The following MCF2 variants were observed in gnomAD, a reference collection of about 807,000 sequenced individuals.
MCF2 encodes proto-oncogene DBL.
A neutral mutation model predicts 82.5 loss-of-function variants in MCF2; 44 were observed. That is an observed-to-expected ratio of 0.53 (90% CI 0.42 to 0.69). The LOEUF is 0.69. MCF2 is among the 30% of genes least tolerant of loss of function. MCF2 has a pLI of 0.00. For synonymous variants in MCF2, 217 were observed against 224.9 expected (o/e 0.96, Z 0.32); for missense variants, 623 against 663.1 (o/e 0.94, Z 0.66).
At chrX:139,589,407 A>G (rs929036869) in intron 20 of MCF2, among the ~76,000 whole-genome samples, 1 of 111,813 alleles carries the variant, frequency 8.9e-6, no homozygotes, top group African/African-American at 3.3e-5. Context: ...TGGACCCTAT[A>G]CAACTGGCCA....
chrX:139,598,545 C>A (rs761209849), intron 16 of MCF2, 47 bp from the exon 21 acceptor site: 2 of 732,387 alleles, frequency 2.7e-6, no homozygotes, highest in African/African-American at 4.5e-5. Flanking sequence ...AAGACATGTA[C>A]CTGTGAAAAT....
At chrX:139,700,717 T>C (rs1021766309) in intron 1 of MCF2, among the ~76,000 whole-genome samples, 1 of 112,315 alleles carries the variant, frequency 8.9e-6, no homozygotes, top group African/African-American at 3.2e-5. Flanking sequence ...CCTTCAATGT[T>C]TAAAGGCTGT....
chrX:139,600,675 A>C (rs1021120003), intron 16 of MCF2, among the ~76,000 whole-genome samples: 36 of 111,820 alleles, frequency 3.2e-4, no homozygotes, highest in African/African-American at 1.1e-3. Flanking sequence ...GTATTTGGGA[A>C]TCCCTTCAAG....
chrX:139,618,694 C>G (rs1471919617), intron 7 of MCF2, among the ~76,000 whole-genome samples: 1 of 111,068 alleles, frequency 9.0e-6, no homozygotes, highest in Non-Finnish European at 1.9e-5. Flanking sequence ...CATGGTTCAC[C>G]CATAAATCTG....
rs766208697 is a variant in MCF2, at chrX:139,631,430, G to A, written c.253C>T (p.Gln85Ter). ...ATGATCCATTCACTGTGGCAGTACT[G>A]CAAGGTGCCGCCTAACTCAGGGGTT... is the stretch of plus-strand genomic sequence containing the variant. The change falls in exon 3 of 25, where the codon CAG becomes TAG. Residue 85 changes from glutamine to a stop codon, truncating the protein, a stop_gained. Coordinates refer to ENST00000370576, the Ensembl canonical transcript of MCF2. LOFTEE classifies it high-confidence loss of function. The A allele has an allele frequency of 2.1e-5, 25 of 1,204,262 alleles. No homozygotes were observed. The highest frequency in any genetic ancestry group is 2.8e-5 in the Non-Finnish European group (25 of 889,624).
At chrX:139,686,245 T>C (rs1393944252) in intron 1 of MCF2, among the ~76,000 whole-genome samples, 1 of 111,190 alleles carries the variant, frequency 9.0e-6, no homozygotes, top group Non-Finnish European at 1.9e-5. Flanking sequence ...TTATTCAAGA[T>C]AGTATTGGAA....
chrX:139,701,151 G>C (rs1329641454), intron 1 of MCF2, among the ~76,000 whole-genome samples: 2 of 111,565 alleles, frequency 1.8e-5, no homozygotes, highest in African/African-American at 6.5e-5. Flanking sequence ...CCCATTATAA[G>C]ATTCTATACC....
At chrX:139,674,683 G>A (rs1350395200) in intron 1 of MCF2, among the ~76,000 whole-genome samples, 1 of 111,994 alleles carries the variant, frequency 8.9e-6, no homozygotes, top group Non-Finnish European at 1.9e-5. Context: ...AGTTTCTGCC[G>A]AGAGATCTGC....
At chrX:139,668,304 T>C (rs4824855) in intron 1 of MCF2, among the ~76,000 whole-genome samples, 19,448 of 111,063 alleles carry the variant, frequency 0.18, 1,288 homozygotes, top group South Asian at 0.28. Flanking sequence ...CAGGATACTG[T>C]GCAGTCTGTT....
chrX:139,642,446 G>A, intron 1 of MCF2: 1 of 1,211,410 alleles, frequency 8.3e-7, no homozygotes, highest in Non-Finnish European at 1.1e-6. Flanking sequence ...AGGCTTTCCA[G>A]GAGTGCAGAC....
chrX:139,598,374 T>A, intron 17 of MCF2, 32 bp downstream of exon 21: 1 of 972,821 alleles, frequency 1.0e-6, no homozygotes. Flanking sequence ...ACTCAAAAAG[T>A]AAAGAAACAA....
intron 6 of MCF2, among the ~76,000 whole-genome samples, chrX:139,622,024 A>C (rs1193387144): frequency 9.0e-6 from 1 of 111,559 alleles, no homozygotes; most frequent in Non-Finnish European, 1.9e-5. Flanking sequence ...AACTCAAACA[A>C]ATTTACAAGA....
chrX:139,660,223 G>A (rs1214892751), intron 1 of MCF2, among the ~76,000 whole-genome samples: 2 of 111,591 alleles, frequency 1.8e-5, no homozygotes, highest in East Asian at 2.8e-4. Flanking sequence ...TACTCAGAAG[G>A]TTATACCCAA....
rs113340679 is a variant in MCF2, at chrX:139,632,505, C to T, written c.52-51G>A. On this transcript the variant is annotated intron_variant, in intron 1 of 24. Coordinates refer to ENST00000370576, the Ensembl canonical transcript of MCF2. ...TTGGAAAAAAAATTGTCAACACACA[C>T]TCAACTGAGCACATATCAGAAAATA... 2.0e-3 allele frequency: 2,123 copies of T among 1,071,578 alleles called. 26 individuals are homozygous for T. The African/African-American group carries it at 0.03, about 15-fold the overall frequency. 88.3% of individuals were successfully genotyped at this position (1,071,578 alleles called of 1,213,427 possible).
intron 1 of MCF2, among the ~76,000 whole-genome samples, chrX:139,690,068 C>T (rs1325053565): frequency 8.9e-6 from 1 of 112,027 alleles, no homozygotes; most frequent in East Asian, 2.8e-4. Flanking sequence ...CTACAAATCC[C>T]TTCCAGGGCA....
At chrX:139,617,588 A>G (rs1441616945) in exon 8 of MCF2, 1 of 1,201,140 alleles carries the variant, frequency 8.3e-7, no homozygotes, top group Non-Finnish European at 1.1e-6. Context: ...TAACCAAAAT[A>G]TCAGAAAGGT....
chrX:139,621,383 A>G (rs950617878), intron 6 of MCF2, among the ~76,000 whole-genome samples: 28 of 112,195 alleles, frequency 2.5e-4, no homozygotes, highest in Non-Finnish European at 4.3e-4. Context: ...CTGCATAACC[A>G]AAGAAGCTAT....
intron 16 of MCF2, among the ~76,000 whole-genome samples, chrX:139,601,191 A>G (rs1388790264): frequency 9.0e-6 from 1 of 111,614 alleles, no homozygotes; most frequent in African/African-American, 3.2e-5. Flanking sequence ...AATTCCAAAA[A>G]GAGAAAATGG....
At chrX:139,663,035 T>C (rs1934399356) in intron 1 of MCF2, among the ~76,000 whole-genome samples, 1 of 112,390 alleles carries the variant, frequency 8.9e-6, no homozygotes, top group African/African-American at 3.2e-5. Flanking sequence ...TCTTTATCCA[T>C]TCATCCGTTG....
Sources: allele counts gnomAD v4.1 joint callset (sites outside exome capture counted in the v4.1 genomes callset), GRCh38; gene constraint gnomAD v4.1.1; transcripts MANE v1.5; gene names NCBI Gene and HGNC (gene_info 2026-07-23, HGNC 2026-07-21).